The following NEK7 variants were observed in gnomAD, a reference collection of about 807,000 sequenced individuals.
NEK7 encodes the protein NIMA related kinase 7.
Under a neutral mutation model 44.6 loss-of-function variants are expected in NEK7, and 18 were observed. The ratio of observed to expected loss-of-function variants is 0.40; its 90% CI spans 0.28 to 0.60. The LOEUF is 0.60. Ranked by LOEUF, NEK7 falls within the 20% of genes least tolerant of loss-of-function variation. NEK7 has a pLI of 0.38. For synonymous variants in NEK7, 130 were observed against 121.1 expected (o/e 1.07, Z -0.48); for missense variants, 256 against 366.5 (o/e 0.70, Z 2.46).
intron 1 of NEK7, among the ~76,000 whole-genome samples, chr1:198,216,514 CCTT>C (rs1397096109): frequency 2.6e-5 from 4 of 151,758 alleles, no homozygotes; most frequent in Non-Finnish European, 5.9e-5. Flanking sequence ...CAATGTCACA[CCTT>C]CTTCTTAGAG....
chr1:198,257,621 T>C (rs1220918465), intron 3 of NEK7, among the ~76,000 whole-genome samples: 1 of 152,200 alleles, frequency 6.6e-6, no homozygotes, highest in Admixed American at 6.5e-5. Flanking sequence ...CAATTGTTAT[T>C]TGAATAAATG....
Position 198,221,297 on chromosome 1 carries a change from G to T in NEK7, c.-28-11256G>T, listed in dbSNP as rs983160036. On this transcript the variant is annotated intron_variant, in intron 1 of 9. Coordinates refer to ENST00000367385, the MANE Select transcript of NEK7 (RefSeq NM_133494.3). ...TCTATGGATATTCTTGGTTAAATTG[G>T]ATTTACGTTACATTTTAAATTAAAA... Among the ~76,000 whole-genome samples the T allele has an allele frequency of 2.6e-5, 4 of 151,774 alleles. No homozygotes were observed. The East Asian group carries it at 7.7e-4, about 29-fold the overall frequency.
chr1:198,192,180 A>AT (rs200300527), intron 1 of NEK7, among the ~76,000 whole-genome samples: 2,674 of 149,350 alleles, frequency 0.018, 73 homozygotes, highest in African/African-American at 0.046. Flanking sequence ...CTGATGTAAA[A>AT]TTTTTTTTTT....
chr1:198,157,655 G>T (rs983736984), intron 1 of NEK7, among the ~76,000 whole-genome samples: 3 of 152,200 alleles, frequency 2.0e-5, no homozygotes, highest in Non-Finnish European at 4.4e-5. Context: ...TGGCGACGTC[G>T]GTTATTTATC....
intron 7 of NEK7, among the ~76,000 whole-genome samples, chr1:198,283,668 A>G (rs553142067): frequency 1.3e-5 from 2 of 152,270 alleles, no homozygotes; most frequent in Admixed American, 6.5e-5. Context: ...ATAAAAATAT[A>G]TGTTAAGAAA....
At chr1:198,231,867 A>G (rs576633994) in intron 1 of NEK7, among the ~76,000 whole-genome samples, 1 of 152,254 alleles carries the variant, frequency 6.6e-6, no homozygotes, top group South Asian at 2.1e-4. Flanking sequence ...GATTTTGGTC[A>G]TAAAATAATA....
At chr1:198,286,120 T>C (rs1654360607) in intron 7 of NEK7, among the ~76,000 whole-genome samples, 1 of 152,132 alleles carries the variant, frequency 6.6e-6, no homozygotes, top group South Asian at 2.1e-4. Context: ...AAAACATTTA[T>C]AATAAAAAAT....
In NEK7 at chr1:198,275,718, T is replaced by C. The variant is rs553078734; in HGVS notation, c.373-2243T>C. ...GTAGTGCTAATATACATTTTACCCA[T>C]AGTAAAAAGAATTCGAATTTTCATT... On this transcript the variant is annotated intron_variant, in intron 5 of 9. Transcript: ENST00000367385. 9.6e-4 allele frequency among the ~76,000 whole-genome samples: 145 copies of C among 151,594 alleles called. 2 individuals are homozygous for C. Among genetic ancestry groups the C allele is most frequent in the Middle Eastern group, 3.4e-3 (1 of 294 alleles).
At chr1:198,215,632 C>T (rs555078805) in intron 1 of NEK7, among the ~76,000 whole-genome samples, 1 of 152,078 alleles carries the variant, frequency 6.6e-6, no homozygotes. Context: ...GATAAAATAT[C>T]AAAAGCCAAA....
intron 5 of NEK7, among the ~76,000 whole-genome samples, chr1:198,277,445 G>A (rs1468466423): frequency 6.6e-6 from 1 of 151,712 alleles, no homozygotes; most frequent in Non-Finnish European, 1.5e-5. Context: ...GACTTGCATT[G>A]TGCAGTAGAA....
chr1:198,198,699 A>T (rs982735699), intron 1 of NEK7, among the ~76,000 whole-genome samples: 2 of 152,178 alleles, frequency 1.3e-5, no homozygotes, highest in Non-Finnish European at 2.9e-5. Context: ...TCTAACTGTG[A>T]GGAAGATGAG....
chr1:198,184,941 T>C (rs1477193491), intron 1 of NEK7, among the ~76,000 whole-genome samples: 1 of 152,140 alleles, frequency 6.6e-6, no homozygotes, highest in Non-Finnish European at 1.5e-5. Flanking sequence ...ACTTCTGGCT[T>C]CAAGTCATTT....
chr1:198,282,128 G>T (rs115091186), intron 7 of NEK7, among the ~76,000 whole-genome samples: 3 of 151,844 alleles, frequency 2.0e-5, no homozygotes, highest in Non-Finnish European at 4.4e-5. Flanking sequence ...TCTACTTTCC[G>T]TTCCCTCATC....
At chr1:198,189,268 A>C (rs963074309) in intron 1 of NEK7, among the ~76,000 whole-genome samples, 10 of 152,134 alleles carry the variant, frequency 6.6e-5, no homozygotes, top group African/African-American at 2.4e-4. Flanking sequence ...TTTTTGTTTA[A>C]TTTTCATGTC....
chr1:198,317,774 G>C (rs904287614), intron 9 of NEK7, among the ~76,000 whole-genome samples: 1 of 151,236 alleles, frequency 6.6e-6, no homozygotes, highest in East Asian at 1.9e-4. Flanking sequence ...GAAAATATCT[G>C]ACAGCTAGAT....
At chr1:198,296,511 C>G (rs1654719265) in intron 8 of NEK7, among the ~76,000 whole-genome samples, 1 of 152,150 alleles carries the variant, frequency 6.6e-6, no homozygotes, top group Admixed American at 6.5e-5. Flanking sequence ...TGAATTACAG[C>G]TATGACTCAT....
At chr1:198,259,030 T>A (rs929845644) in intron 3 of NEK7, among the ~76,000 whole-genome samples, 1 of 152,208 alleles carries the variant, frequency 6.6e-6, no homozygotes, top group African/African-American at 2.4e-5. Context: ...CAGTTAAATG[T>A]ATTTGTAAAT....
At chr1:198,160,327 T>C (rs1664067457) in intron 1 of NEK7, among the ~76,000 whole-genome samples, 1 of 152,054 alleles carries the variant, frequency 6.6e-6, no homozygotes, top group South Asian at 2.1e-4. Flanking sequence ...TTTTTTTTTT[T>C]TAAATAGGCT....
chr1:198,253,737 C>G (rs1230331252), intron 3 of NEK7, among the ~76,000 whole-genome samples: 1 of 152,126 alleles, frequency 6.6e-6, no homozygotes, highest in Admixed American at 6.6e-5. Flanking sequence ...CAGACCCTTT[C>G]CTGTCTTCTC....
Sources: allele counts gnomAD v4.1 joint callset (sites outside exome capture counted in the v4.1 genomes callset), GRCh38; gene constraint gnomAD v4.1.1; transcripts MANE v1.5; gene names NCBI Gene and HGNC (gene_info 2026-07-23, HGNC 2026-07-21).